C1orf50: variants seen among roughly 807,000 people sequenced by gnomAD.
The protein encoded by C1orf50 is chromosome 1 open reading frame 50.
A neutral mutation model predicts 23.3 loss-of-function variants in C1orf50; 22 were observed. That is an observed-to-expected ratio of 0.94 (90% CI 0.67 to 1.35). The LOEUF (loss-of-function observed/expected upper bound fraction) is 1.35, where lower values mean the gene tolerates loss of function less well. Among genes scored for constraint, C1orf50 ranks in the 40% most tolerant of loss-of-function variants. The pLI is 0.00. For missense variants in C1orf50, 271 were observed against 249.4 expected (o/e 1.09, Z -0.58); for synonymous variants, 96 against 102.4 (o/e 0.94, Z 0.38).
intron 2 of C1orf50, among the ~76,000 whole-genome samples, chr1:42,771,140 A>G (rs955606498): frequency 6.6e-6 from 1 of 152,192 alleles, no homozygotes; most frequent in East Asian, 1.9e-4. Flanking sequence ...CTTCTACGAC[A>G]TAATTGTGGT....
chr1:42,774,721 T>C lies in C1orf50; in HGVS notation c.283-16T>C. 6.3e-7 allele frequency: 1 copy of C among 1,590,650 alleles called. No homozygotes were observed. Among genetic ancestry groups the C allele is most frequent in the Non-Finnish European group, 8.6e-7 (1 of 1,163,248 alleles). ...TATCTCCAATACCTAATTTGTTACA[T>C]ATCTGTGATTCATAGGTACTGGAAG... On this transcript the variant is annotated splice_polypyrimidine_tract_variant and intron_variant, in intron 3 of 4. Coordinates refer to ENST00000372525, the MANE Select transcript of C1orf50 (RefSeq NM_024097.4).
chr1:42,771,861 C>T (rs200065323), intron 2 of C1orf50, among the ~76,000 whole-genome samples: 1 of 151,820 alleles, frequency 6.6e-6, no homozygotes, highest in Non-Finnish European at 1.5e-5. Flanking sequence ...GCCTGTGGTC[C>T]TAGCTACTCA....
At chr1:42,773,987 TA>T (rs1473415079) in intron 3 of C1orf50, among the ~76,000 whole-genome samples, 1 of 152,096 alleles carries the variant, frequency 6.6e-6, no homozygotes, top group African/African-American at 2.4e-5. Context: ...CACACCCTGC[TA>T]ACTTTTGTAT....
rs899524994 is a variant in C1orf50, at chr1:42,779,392, A to T, written c.*3998A>T. On this transcript the variant is annotated 3_prime_UTR_variant, in exon 5 of 5. Transcript: ENST00000372525. ...ACTCCATCTCAAAAAAAAAAAAAAA[A>T]GAATCATAACATAGCATCTTACATT... 1.4e-5 allele frequency: 2 copies of T among 141,454 alleles called. No individual in the cohort carries two copies. Among genetic ancestry groups the T allele is most frequent in the Non-Finnish European group, 3.1e-5 (2 of 63,980 alleles). The allele number at this position is 141,454 out of a possible 1,614,324, so 8.8% of individuals were successfully genotyped here.
At chr1:42,772,373 C>T (rs891362766) in intron 2 of C1orf50, among the ~76,000 whole-genome samples, 1 of 152,172 alleles carries the variant, frequency 6.6e-6, no homozygotes, top group African/African-American at 2.4e-5. Context: ...ATCAGCTTTT[C>T]TTAAAAGTAA....
At chr1:42,770,865 A>G (rs1309411044) in intron 2 of C1orf50, among the ~76,000 whole-genome samples, 1 of 152,010 alleles carries the variant, frequency 6.6e-6, no homozygotes, top group East Asian at 1.9e-4. Context: ...ACTGGCCTCA[A>G]ATGCCTGCAA....
rs1252738587 is a variant in C1orf50 at position 42,779,102 on chromosome 1, G to A, written c.*3708G>A. Reference sequence around the variant, plus strand: ...ACATAAAAGAATCATAACAAGCTGGGCGCAGTGGCTCACGCCTGTAATCCC... The same window carrying A: ...ACATAAAAGAATCATAACAAGCTGGACGCAGTGGCTCACGCCTGTAATCCC... On this transcript the variant is annotated 3_prime_UTR_variant, in exon 5 of 5. Transcript: ENST00000372525. 6.6e-6 allele frequency: 1 copy of A among 151,748 alleles called. No homozygotes were observed. The highest frequency in any genetic ancestry group is 1.5e-5 in the Non-Finnish European group (1 of 68,032). 9.4% of individuals were successfully genotyped at this position (151,748 alleles called of 1,614,324 possible). A position where few individuals can be genotyped will look rare whatever the true frequency, so the allele number is the denominator to read the frequency against.
At chr1:42,773,687 A>C (rs377248182) in intron 3 of C1orf50, 38 bp downstream of exon 3, 2 of 1,410,566 alleles carry the variant, frequency 1.4e-6, no homozygotes, top group Non-Finnish European at 2.0e-6. Flanking sequence ...CATTTTCTTT[A>C]TTTAGTTCTC....
At chr1:42,772,406 C>T (rs1168596286) in intron 2 of C1orf50, among the ~76,000 whole-genome samples, 1 of 152,172 alleles carries the variant, frequency 6.6e-6, no homozygotes, top group Non-Finnish European at 1.5e-5. Flanking sequence ...TGACAGAATT[C>T]TATTGCCTGA....
chr1:42,776,833 T>A lies in C1orf50; in HGVS notation c.*1439T>A, dbSNP rs1653351083. ...TTTCAGAAGGTTCTGACCTGCATGATGATGACACATTTTGAATAGGTGCTT... is the reference window on the plus strand; with the variant it reads ...TTTCAGAAGGTTCTGACCTGCATGAAGATGACACATTTTGAATAGGTGCTT... On this transcript the variant is annotated 3_prime_UTR_variant, in exon 5 of 5. Transcript: ENST00000372525. 1 of 152,258 alleles carries A rather than the reference T, an allele frequency of 6.6e-6. No individual in the cohort carries two copies. The highest frequency in any genetic ancestry group is 1.5e-5 in the Non-Finnish European group (1 of 68,050). The allele number at this position is 152,258 out of a possible 1,614,324, so 9.4% of individuals were successfully genotyped here.
Position 42,773,358 on chromosome 1 carries a change from C to T in C1orf50, c.196-205C>T, listed in dbSNP as rs1249795906. 5 of 443,278 alleles carry T rather than the reference C, an allele frequency of 1.1e-5. No homozygotes were observed. In the Admixed American group the frequency reaches 1.2e-4, roughly 10 times the overall value. 27.5% of individuals were successfully genotyped at this position (443,278 alleles called of 1,614,324 possible). A position where few individuals can be genotyped will look rare whatever the true frequency, so the allele number is the denominator to read the frequency against. Reference sequence around the variant, plus strand: ...TAGAAGAGAGCACTTAACTCTGTGGCGTGGAGTCATGTCAGGGTGGCCTTC... The same window carrying T: ...TAGAAGAGAGCACTTAACTCTGTGGTGTGGAGTCATGTCAGGGTGGCCTTC... On this transcript the variant is annotated intron_variant, in intron 2 of 4. Coordinates refer to ENST00000372525, the MANE Select transcript of C1orf50 (RefSeq NM_024097.4).
In C1orf50 at chr1:42,778,488, C is replaced by G. The variant is rs1290396582; in HGVS notation, c.*3094C>G. 6.6e-6 allele frequency: 1 copy of G among 152,116 alleles called. No individual in the cohort carries two copies. Among genetic ancestry groups the G allele is most frequent in the Non-Finnish European group, 1.5e-5 (1 of 68,032 alleles). 9.4% of individuals were successfully genotyped at this position (152,116 alleles called of 1,614,324 possible). A position where few individuals can be genotyped will look rare whatever the true frequency, so the allele number is the denominator to read the frequency against. On this transcript the variant is annotated 3_prime_UTR_variant, in exon 5 of 5. Transcript: ENST00000372525. The stretch of plus-strand genomic sequence containing the variant: ...TACAAGTTAGAACTTTCTGGAGGCT[C>G]CAATTGCCCTTTCATAGGAAGTTTG...
intron 2 of C1orf50, among the ~76,000 whole-genome samples, chr1:42,770,848 C>T (rs1653202143): frequency 6.6e-6 from 1 of 152,156 alleles, no homozygotes; most frequent in African/African-American, 2.4e-5. Flanking sequence ...AACTACTCTT[C>T]AGCTGCACTG....
Position 42,773,632 on chromosome 1 carries a change from C to T in C1orf50, c.265C>T (p.Gln89Ter). Residue 89 changes from glutamine to a stop codon, truncating the protein, a stop_gained, in exon 3 of 5, where the codon CAA becomes TAA. Coordinates refer to ENST00000372525, the MANE Select transcript of C1orf50 (RefSeq NM_024097.4). LOFTEE classifies it high-confidence loss of function. ...CATAGCTGAGCAAATCCAACATTTGCAAGAACAAGCCAGGAAGGTAAGGAA... is the reference window on the plus strand; with the variant it reads ...CATAGCTGAGCAAATCCAACATTTGTAAGAACAAGCCAGGAAGGTAAGGAA... ...TVIAEQIQHL[Q>*]EQARKVLEDA... The T allele has an allele frequency of 1.2e-6, 2 of 1,610,900 alleles. No homozygotes were observed. The highest frequency in any genetic ancestry group is 1.3e-5 in the African/African-American group (1 of 74,974).
intron 3 of C1orf50, 101 bp from the exon 4 acceptor site, chr1:42,774,635 TC>T (rs1236248558): frequency 9.2e-6 from 12 of 1,300,572 alleles, no homozygotes; most frequent in Non-Finnish European, 1.3e-5. Context: ...GGGAGCAAGA[TC>T]CTAAGCACTG....
chr1:42,779,376 CA>C lies in C1orf50; in HGVS notation c.*3998del, dbSNP rs11308713. The C allele has an allele frequency of 0.93, 118,265 of 127,138 alleles. 54,933 individuals carry two copies. Among genetic ancestry groups the C allele is most frequent in the South Asian group, 0.97 (3,736 of 3,844 alleles). The allele number at this position is 127,138 out of a possible 1,614,324, so 7.9% of individuals were successfully genotyped here. On this transcript the variant is annotated 3_prime_UTR_variant, in exon 5 of 5. Transcript: ENST00000372525. ...TGGGCAACAGAGCAAGACTCCATCT[CA>C]AAAAAAAAAAAAAAAGAATCATAAC... is the stretch of plus-strand genomic sequence containing the variant.
At position 42,778,369 on chromosome 1, in the gene C1orf50, A is replaced by T. The variant is rs1653378346; in HGVS notation, c.*2975A>T. ...GGGGTGTGATAGAGGTACGCATGGAATACTATGGAGCTCCGGGGAGGGGTT... is the reference window on the plus strand; with the variant it reads ...GGGGTGTGATAGAGGTACGCATGGATTACTATGGAGCTCCGGGGAGGGGTT... On this transcript the variant is annotated 3_prime_UTR_variant, in exon 5 of 5. Coordinates refer to ENST00000372525, the MANE Select transcript of C1orf50 (RefSeq NM_024097.4). 6.6e-6 allele frequency: 1 copy of T among 152,212 alleles called. No individual in the cohort carries two copies. The highest frequency in any genetic ancestry group is 1.5e-5 in the Non-Finnish European group (1 of 68,056). The allele number at this position is 152,212 out of a possible 1,614,324, so 9.4% of individuals were successfully genotyped here. A position where few individuals can be genotyped will look rare whatever the true frequency, so the allele number is the denominator to read the frequency against.
At position 42,771,022 on chromosome 1, in the gene C1orf50, A is replaced by G. The variant is rs541801699; in HGVS notation, c.196-2541A>G. On this transcript the variant is annotated intron_variant, in intron 2 of 4. Transcript: ENST00000372525. ...TGACAGTATTATTAAATTGAATTCA[A>G]ATACCTCTAGGCTACATATACTTTC... Among the ~76,000 whole-genome samples, 1,007 of 152,254 alleles carry G rather than the reference A, an allele frequency of 6.6e-3. 15 individuals carry two copies. Among genetic ancestry groups the G allele is most frequent in the African/African-American group, 0.023 (956 of 41,560 alleles).
At chr1:42,768,525 C>CTT (rs200121617) in intron 2 of C1orf50, among the ~76,000 whole-genome samples, 1 of 150,170 alleles carries the variant, frequency 6.7e-6, no homozygotes, top group African/African-American at 2.5e-5. Context: ...CCTCACATCT[C>CTT]TTTTTTTTTC....
Sources: gnomAD v4.1 joint callset for allele counts (sites outside exome capture counted in the v4.1 genomes callset) on GRCh38, gnomAD v4.1.1 for gene constraint, MANE v1.5 for transcripts, NCBI Gene and HGNC (gene_info 2026-07-23, HGNC 2026-07-21) for gene names.